The following PDE1C variants were observed in gnomAD, a reference collection of about 807,000 sequenced individuals.
PDE1C encodes dual specificity calcium/calmodulin-dependent 3',5'-cyclic nucleotide phosphodiesterase 1C.
Under a neutral mutation model 93.1 loss-of-function variants are expected in PDE1C, and 62 were observed. The ratio of observed to expected loss-of-function variants is 0.67; its 90% CI spans 0.54 to 0.82. PDE1C has a LOEUF of 0.82. Ranked by LOEUF, PDE1C falls within the 40% of genes least tolerant of loss-of-function variation. The pLI is 0.00. For synonymous variants in PDE1C, 325 were observed against 310.1 expected, an observed-to-expected ratio of 1.05 and a Z score of -0.50; for missense variants, 742 against 884.6, an observed-to-expected ratio of 0.84 and a Z score of 2.04.
intron 7 of PDE1C, among the ~76,000 whole-genome samples, chr7:31,853,487 A>G (rs929216240): frequency 1.3e-5 from 2 of 152,140 alleles, no homozygotes; most frequent in African/African-American, 4.8e-5. Context: ...CACCTCAGGT[A>G]AGAAAATGAT....
At chr7:31,697,107 C>T in the PDE1C span, 1 of 1,613,852 alleles carries the variant, frequency 6.2e-7, no homozygotes, top group Non-Finnish European at 8.5e-7. Flanking sequence ...ACATGTCCCC[C>T]TTTGCAGCAG....
chr7:31,663,657 G>A, the PDE1C span, among the ~76,000 whole-genome samples: 1 of 152,032 alleles, frequency 6.6e-6, no homozygotes, highest in Non-Finnish European at 1.5e-5. Flanking sequence ...ACTTTTAATT[G>A]TGCTTAGTGG....
At chr7:32,294,939 CA>C (rs1235244486) in intron 1 of PDE1C, among the ~76,000 whole-genome samples, 1 of 152,230 alleles carries the variant, frequency 6.6e-6, no homozygotes, top group African/African-American at 2.4e-5. Flanking sequence ...CTTTCAAAGT[CA>C]GCACTTCTGA....
downstream of PDE1C, among the ~76,000 whole-genome samples, chr7:31,747,764 G>A (rs1794035888): frequency 6.6e-6 from 1 of 150,818 alleles, no homozygotes; most frequent in Admixed American, 6.6e-5. Context: ...GTGGAAAATG[G>A]CCCTCATGCA....
chr7:32,057,857 T>C (rs1794319819), intron 1 of PDE1C, among the ~76,000 whole-genome samples: 1 of 152,186 alleles, frequency 6.6e-6, no homozygotes, highest in African/African-American at 2.4e-5. Flanking sequence ...ATCAAACAGA[T>C]GATTTGGAAA....
At chr7:31,672,435 C>T in the PDE1C span, among the ~76,000 whole-genome samples, 3 of 152,150 alleles carry the variant, frequency 2.0e-5, no homozygotes, top group Non-Finnish European at 4.4e-5. Context: ...CAACCTTACT[C>T]CATACCCTCT....
chr7:32,102,370 T>C (rs1235716903), intron 3 of PDE1C, among the ~76,000 whole-genome samples: 1 of 151,818 alleles, frequency 6.6e-6, no homozygotes, highest in African/African-American at 2.4e-5. Flanking sequence ...TTTTTTTGCT[T>C]GGCATATTTG....
intron 2 of PDE1C, among the ~76,000 whole-genome samples, chr7:31,976,824 T>A (rs1563132714): frequency 6.6e-6 from 1 of 152,210 alleles, no homozygotes; most frequent in Non-Finnish European, 1.5e-5. Flanking sequence ...ATGGACCCCA[T>A]GATGCTTACA....
At chr7:32,193,937 C>T (rs1300936355) in intron 2 of PDE1C, among the ~76,000 whole-genome samples, 7 of 114,844 alleles carry the variant, frequency 6.1e-5, no homozygotes, top group African/African-American at 1.6e-4. Context: ...TTTTTTGAGA[C>T]GGAGTCTCAC....
chr7:31,709,453 AC>A, the PDE1C span, among the ~76,000 whole-genome samples: 2 of 152,164 alleles, frequency 1.3e-5, no homozygotes, highest in Non-Finnish European at 2.9e-5. Flanking sequence ...ATTTAAAGAC[AC>A]CTTCAGAGTT....
At chr7:31,810,369 G>T (rs1397123314) in intron 15 of PDE1C, among the ~76,000 whole-genome samples, 1 of 152,122 alleles carries the variant, frequency 6.6e-6, no homozygotes, top group African/African-American at 2.4e-5. Flanking sequence ...CAGGGAATGT[G>T]TATGAGGGAC....
At chr7:31,784,158 T>C (rs991719617) in intron 16 of PDE1C, 1 of 152,124 alleles carries the variant, frequency 6.6e-6, no homozygotes, top group African/African-American at 2.4e-5. Flanking sequence ...AGGAGATGAG[T>C]TGAGTTTTCC....
chr7:31,713,289 C>T, the PDE1C span, among the ~76,000 whole-genome samples: 1 of 152,214 alleles, frequency 6.6e-6, no homozygotes, highest in African/African-American at 2.4e-5. Flanking sequence ...ACCAGCAGGG[C>T]AGTCAAATCT....
At chr7:32,412,173 G>A (rs557588551) in intron 1 of PDE1C, among the ~76,000 whole-genome samples, 11 of 152,258 alleles carry the variant, frequency 7.2e-5, no homozygotes, top group Non-Finnish European at 1.3e-4. Flanking sequence ...GACCAAATAC[G>A]GCTGGGCGCG....
chr7:31,786,673 G>A (rs1456354729), intron 16 of PDE1C: 1 of 152,062 alleles, frequency 6.6e-6, no homozygotes, highest in Non-Finnish European at 1.5e-5. Flanking sequence ...TTTCCAATTA[G>A]GAAAAAAATT....
intron 16 of PDE1C, among the ~76,000 whole-genome samples, chr7:31,793,853 T>G (rs6462303): frequency 0.18 from 27,338 of 151,802 alleles, 3,608 homozygotes; most frequent in African/African-American, 0.38. Context: ...TAGAGCATAT[T>G]ATTATAATAG....
At chr7:32,045,990 G>A (rs934121716) in intron 2 of PDE1C, among the ~76,000 whole-genome samples, 3 of 152,134 alleles carry the variant, frequency 2.0e-5, no homozygotes, top group Non-Finnish European at 4.4e-5. Context: ...ATCAATTACT[G>A]GGTTCATCAA....
rs200334154 is a variant in PDE1C, at chr7:31,929,111, C to CA, written c.129-48252dup. ...GAATATTTACCAAGCAAATGGAAAG[C>CA]AAAAAAAAAAAGCAGGGGTTGCAAT... On this transcript the variant is annotated intron_variant, in intron 2 of 17. Transcript: ENST00000396191. 7.8e-3 allele frequency among the ~76,000 whole-genome samples: 1,100 copies of CA among 141,232 alleles called. 3 individuals are homozygous for CA. The highest frequency in any genetic ancestry group is 0.015 in the African/African-American group (563 of 37,774). 92.7% of individuals were successfully genotyped at this position (141,232 alleles called of 152,430 possible). A position where few individuals can be genotyped will look rare whatever the true frequency, so the allele number is the denominator to read the frequency against.
chr7:31,628,618 C>A, the PDE1C span, among the ~76,000 whole-genome samples: 2 of 151,978 alleles, frequency 1.3e-5, no homozygotes, highest in African/African-American at 4.8e-5. Context: ...CCACCACGCC[C>A]CGCTAATTTT....
Sources: gnomAD v4.1 joint callset for allele counts (sites outside exome capture counted in the v4.1 genomes callset) on GRCh38, gnomAD v4.1.1 for gene constraint, MANE v1.5 for transcripts, NCBI Gene and HGNC (gene_info 2026-07-23, HGNC 2026-07-21) for gene names.